The following MYT1 variants were observed in gnomAD, a reference collection of about 807,000 sequenced individuals.
The protein encoded by MYT1 is myelin transcription factor I.
Under a neutral mutation model 123.0 loss-of-function variants are expected in MYT1, and 23 were observed. The observed-to-expected ratio is 0.19, with a 90% CI of 0.13 to 0.26. MYT1 has a LOEUF of 0.26. Ranked by LOEUF, MYT1 falls within the 10% of genes least tolerant of loss-of-function variation. The probability of loss-of-function intolerance (pLI) is 1.00; values close to 1 mark genes in which losing one functional copy is unlikely to be tolerated. For synonymous variants in MYT1, 518 were observed against 575.3 expected (o/e 0.90, Z 1.43); for missense variants, 1,125 against 1,472.5 (o/e 0.76, Z 3.86).
At position 64,217,125 on chromosome 20, in the gene MYT1, G is replaced by T; in HGVS notation, c.1690G>T (p.Val564Leu). 4.3e-6 allele frequency: 7 copies of T among 1,614,058 alleles called. No homozygotes were observed. The highest frequency in any genetic ancestry group is 2.2e-5 in the East Asian group (1 of 44,882). Residue 564 changes from valine (V) to leucine (L), a missense_variant, in exon 11 of 23, where the codon GTG becomes TTG. Around this residue, in one of 4 missense-constraint regions of MYT1, gnomAD observed 429 missense variants for 604.1 expected, o/e 0.71. Coordinates refer to ENST00000328439, the MANE Select transcript of MYT1 (RefSeq NM_004535.3). ...TCCATATGGGAGCTACCGGCCCAAC[G>T]TGGCCCCCGCCACACCCAGGGCCAA... ...VPPYGSYRPN[V>L]APATPRANLA...
chr20:64,223,010 G>C (rs1399200648), intron 14 of MYT1, 101 bp from the exon 15 acceptor site: 1 of 1,374,064 alleles, frequency 7.3e-7, no homozygotes, highest in African/African-American at 1.4e-5. Context: ...TGGCTCGCGG[G>C]TGAGCCAGGA....
At chr20:64,177,618 C>T (rs544559125) in intron 1 of MYT1, among the ~76,000 whole-genome samples, 1 of 151,824 alleles carries the variant, frequency 6.6e-6, no homozygotes, top group African/African-American at 2.4e-5. Context: ...TGAGGGCACC[C>T]CTCTCCGGGG....
intron 18 of MYT1, among the ~76,000 whole-genome samples, chr20:64,228,469 C>A (rs186782506): frequency 1.3e-5 from 2 of 152,152 alleles, no homozygotes; most frequent in African/African-American, 4.8e-5. Flanking sequence ...AAACTGGGAG[C>A]CAGACACTGT....
At position 64,208,567 on chromosome 20, in the gene MYT1, C is replaced by T. The variant is rs939639136; in HGVS notation, c.1291+80C>T. On this transcript the variant is annotated intron_variant, in intron 7 of 22. Transcript: ENST00000328439. This position sits in a 1 kb window ranked among gnomAD's most constrained non-coding sequence, Gnocchi z 5.4. Reference sequence around the variant, plus strand: ...GGTGTGCAGATGCAGGCTGAGAGCCCTTCTAGGACAGGGGGCTGGGGGATG... The same window carrying T: ...GGTGTGCAGATGCAGGCTGAGAGCCTTTCTAGGACAGGGGGCTGGGGGATG... 2.7e-6 allele frequency: 4 copies of T among 1,491,648 alleles called. No individual in the cohort carries two copies. The Admixed American group carries it at 7.2e-5, about 27-fold the overall frequency. 92.4% of individuals were successfully genotyped at this position (1,491,648 alleles called of 1,614,324 possible). A position where few individuals can be genotyped will look rare whatever the true frequency, so the allele number is the denominator to read the frequency against.
Position 64,240,872 on chromosome 20 carries a change from C to A in MYT1, c.*424C>A. The A allele has an allele frequency of 5.8e-6, 1 of 173,014 alleles. No individual in the cohort carries two copies. The highest frequency in any genetic ancestry group is 1.2e-5 in the Non-Finnish European group (1 of 80,660). The allele number at this position is 173,014 out of a possible 1,614,324, so 10.7% of individuals were successfully genotyped here. ...GTGGCATCTTGGCCTGGAGGACACG[C>A]CTGGGGCAGCGTGTCTGTGCTCAGT... On this transcript the variant is annotated 3_prime_UTR_variant, in exon 23 of 23. Transcript: ENST00000328439.
chr20:64,211,616 G>A (rs1252527359), intron 8 of MYT1, among the ~76,000 whole-genome samples: 1 of 152,212 alleles, frequency 6.6e-6, no homozygotes, highest in Non-Finnish European at 1.5e-5. Context: ...GATGGGAGGG[G>A]GACAGGCTAG....
At chr20:64,228,057 T>G in intron 18 of MYT1, 86 bp downstream of exon 18, 1 of 1,304,740 alleles carries the variant, frequency 7.7e-7, no homozygotes, top group Non-Finnish European at 1.1e-6. Flanking sequence ...TCCTACTAGA[T>G]TCCCTTTTCA....
rs1601709477 is a variant in MYT1 at position 64,199,052 on chromosome 20, T to C, written c.55+136T>C. ...CAGGCCTCTTCAGCCTCATTCATCC[T>C]CAGGGCTGCTGAGCTTTGAAGCTGG... On this transcript the variant is annotated intron_variant, in intron 3 of 22. Coordinates refer to ENST00000328439, the MANE Select transcript of MYT1 (RefSeq NM_004535.3). The C allele has an allele frequency of 5.7e-6, 5 of 878,668 alleles. No individual in the cohort carries two copies. The East Asian group carries it at 1.0e-4, about 18-fold the overall frequency. 54.4% of individuals were successfully genotyped at this position (878,668 alleles called of 1,614,324 possible). A position where few individuals can be genotyped will look rare whatever the true frequency, so the allele number is the denominator to read the frequency against.
At chr20:64,239,939 C>T (rs767241185) in intron 22 of MYT1, 36 bp downstream of exon 22, 5 of 1,604,870 alleles carry the variant, frequency 3.1e-6, no homozygotes, top group African/African-American at 1.3e-5. Flanking sequence ...ACCACAGCTA[C>T]CCCCCAGGGT....
intron 1 of MYT1, among the ~76,000 whole-genome samples, chr20:64,182,172 T>G (rs1003205871): frequency 3.3e-5 from 5 of 152,256 alleles, no homozygotes; most frequent in African/African-American, 9.6e-5. Flanking sequence ...GTTTTTTGTT[T>G]TTTTTCCTTT....
intron 1 of MYT1, among the ~76,000 whole-genome samples, chr20:64,182,557 A>T (rs1982684819): frequency 6.6e-6 from 1 of 152,178 alleles, no homozygotes; most frequent in African/African-American, 2.4e-5. Context: ...GTACAGCTCT[A>T]ACTGCTCTGG....
chr20:64,189,052 TAAG>T lies in MYT1; in HGVS notation c.-98-1006_-98-1004del, dbSNP rs1256225297. Among the ~76,000 whole-genome samples the T allele has an allele frequency of 5.3e-5, 8 of 152,082 alleles. No homozygotes were observed. Among genetic ancestry groups the T allele is most frequent in the African/African-American group, 1.4e-4 (6 of 41,392 alleles). The stretch of plus-strand genomic sequence containing the variant: ...TTAATGGGATGGAAGCATTTCCAGA[TAAG>T]AAGAGGGTGCTGTGGCCAGAGGCAC... On this transcript the variant is annotated intron_variant, in intron 1 of 22. Coordinates refer to ENST00000328439, the MANE Select transcript of MYT1 (RefSeq NM_004535.3). This position sits in a 1 kb window ranked among gnomAD's most constrained non-coding sequence, Gnocchi z 5.5.
intron 13 of MYT1, among the ~76,000 whole-genome samples, chr20:64,220,688 C>T (rs1395756561): frequency 6.6e-6 from 1 of 152,250 alleles, no homozygotes; most frequent in African/African-American, 2.4e-5. Flanking sequence ...TAGCAGGCCC[C>T]TCTCCCTCTC....
chr20:64,221,987 T>C lies in MYT1; in HGVS notation c.2336T>C (p.Val779Ala). The C allele has an allele frequency of 6.2e-7, 1 of 1,613,526 alleles. No individual in the cohort carries two copies. The highest frequency in any genetic ancestry group is 8.5e-7 in the Non-Finnish European group (1 of 1,180,014). ...GAGGAGCGGAAGTATCCGGGGGAAG[T>C]CACCCTGACCAACTTTAAGCTGAAG... is the stretch of plus-strand genomic sequence containing the variant. ...NFEERKYPGE[V>A]TLTNFKLKFL... The change falls in exon 14 of 23, where the codon GTC (valine) becomes GCC (alanine). Residue 779 changes from valine to alanine, a missense_variant. Physicochemically the swap from Val to Ala is moderately conservative, Grantham distance 64. This residue lies in a region of MYT1 where 429 missense variants were observed against 604.1 expected (regional missense o/e 0.71). Transcript: ENST00000328439.
intron 21 of MYT1, among the ~76,000 whole-genome samples, chr20:64,239,471 G>A (rs1043784217): frequency 2.6e-5 from 4 of 152,090 alleles, no homozygotes; most frequent in Non-Finnish European, 5.9e-5. Flanking sequence ...TCTCCTGCAC[G>A]GCGGGTTTCA....
At chr20:64,221,823 C>T (rs570272986) in intron 13 of MYT1, 70 bp from the exon 14 acceptor site, 47 of 1,538,704 alleles carry the variant, frequency 3.1e-5, no homozygotes, top group Admixed American at 2.3e-4. Flanking sequence ...CCCTCTCCCT[C>T]GCCCACTGGG....
chr20:64,178,748 C>T (rs1268683336), intron 1 of MYT1, among the ~76,000 whole-genome samples: 95 of 128,652 alleles, frequency 7.4e-4, no homozygotes, highest in African/African-American at 2.8e-3. Flanking sequence ...TACCCTTCAA[C>T]GTGGGAGCAC....
rs768384238 is a variant in MYT1 at position 64,232,459 on chromosome 20, C to T, written c.2897+74C>T. ...TCGCCTGGGGCCTGGGGCTGAAGCTCCTGAGGGAGGGCCAGACCAGGGCTC... is the reference window on the plus strand; with the variant it reads ...TCGCCTGGGGCCTGGGGCTGAAGCTTCTGAGGGAGGGCCAGACCAGGGCTC... On this transcript the variant is annotated intron_variant, in intron 19 of 22. Transcript: ENST00000328439. This position sits in a 1 kb window ranked among gnomAD's most constrained non-coding sequence, Gnocchi z 6.9. 7.7e-4 allele frequency: 1,131 copies of T among 1,476,180 alleles called. 1 individual carries two copies. Among genetic ancestry groups the T allele is most frequent in the Non-Finnish European group, 8.6e-4 (917 of 1,065,054 alleles). 91.4% of individuals were successfully genotyped at this position (1,476,180 alleles called of 1,614,324 possible).
rs1982783445 is a variant in MYT1, at chr20:64,185,831, G to T, written c.-98-4232G>T. The stretch of plus-strand genomic sequence containing the variant: ...TGGGGTGTTAGCTCTGGGACAAGGG[G>T]GCTCTCCTTGCCATGACGACAGAAG... On this transcript the variant is annotated intron_variant, in intron 1 of 22. Transcript: ENST00000328439. The surrounding 1 kb of genome is among the most constrained non-coding windows in gnomAD (Gnocchi z 4.5). Among the ~76,000 whole-genome samples the T allele has an allele frequency of 6.6e-6, 1 of 152,222 alleles. No individual in the cohort carries two copies. The highest frequency in any genetic ancestry group is 2.1e-4 in the South Asian group (1 of 4,834).
Sources: gnomAD v4.1 joint callset for allele counts (sites outside exome capture counted in the v4.1 genomes callset) on GRCh38, gnomAD v4.1.1 for gene constraint, gnomAD v4.1.1 regional missense constraint, Gnocchi (gnomAD v3.1) non-coding constraint, MANE v1.5 for transcripts, NCBI Gene and HGNC (gene_info 2026-07-23, HGNC 2026-07-21) for gene names.